ZNF638: variants seen among roughly 807,000 people sequenced by gnomAD.
The protein encoded by ZNF638 is CTCL tumor antigen se33-1.
Under a neutral mutation model 195.6 loss-of-function variants are expected in ZNF638, and 46 were observed. The observed-to-expected ratio is 0.24, with a 90% confidence interval of 0.19 to 0.30. The LOEUF is 0.30. Ranked by LOEUF, ZNF638 falls within the 10% of genes least tolerant of loss-of-function variation. The pLI is 1.00. For synonymous variants in ZNF638, 845 were observed against 772.0 expected (o/e 1.09, Z -1.57); for missense variants, 2,440 against 2,325.3 (o/e 1.05, Z -1.01).
intron 10 of ZNF638, 160 bp downstream of exon 10, chr2:71,380,725 A>G: frequency 2.0e-6 from 1 of 492,720 alleles, no homozygotes; most frequent in Non-Finnish European, 3.6e-6. Context: ...TTAATATTTA[A>G]TGCTGTGTAA....
chr2:71,367,769 G>A (rs1414284552), intron 6 of ZNF638, among the ~76,000 whole-genome samples: 7 of 145,824 alleles, frequency 4.8e-5, no homozygotes, highest in Non-Finnish European at 7.5e-5. Context: ...TAGAGTCTTA[G>A]TATGTTGCCC....
intron 15 of ZNF638, among the ~76,000 whole-genome samples, chr2:71,401,210 G>C (rs1310931029): frequency 1.3e-5 from 2 of 151,686 alleles, no homozygotes. Flanking sequence ...TTTCCCCCTA[G>C]ATATCAAAAA....
At chr2:71,373,724 G>C (rs1275148404) in intron 8 of ZNF638, among the ~76,000 whole-genome samples, 4 of 151,604 alleles carry the variant, frequency 2.6e-5, no homozygotes, top group Non-Finnish European at 5.9e-5. Context: ...GGCCAAGTTT[G>C]ATGTTTTTAT....
intron 6 of ZNF638, among the ~76,000 whole-genome samples, chr2:71,366,985 A>AGGTATG (rs1456913384): frequency 1.3e-5 from 2 of 152,184 alleles, no homozygotes; most frequent in African/African-American, 4.8e-5. Context: ...TCAAGTATTT[A>AGGTATG]GGTATGGAAT....
chr2:71,363,813 A>G (rs769332172), intron 4 of ZNF638, 141 bp from the exon 5 acceptor site: 2 of 992,374 alleles, frequency 2.0e-6, no homozygotes, highest in Non-Finnish European at 2.9e-6. Flanking sequence ...TAACAAACAG[A>G]TTTTTGTTTT....
intron 2 of ZNF638, among the ~76,000 whole-genome samples, chr2:71,353,957 A>G (rs2078983097): frequency 6.6e-6 from 1 of 152,224 alleles, no homozygotes; most frequent in Non-Finnish European, 1.5e-5. Context: ...AGGATGTACA[A>G]ACATTTCTTT....
intron 17 of ZNF638, among the ~76,000 whole-genome samples, chr2:71,404,250 TTC>T (rs1352951952): frequency 1.3e-5 from 2 of 152,246 alleles, no homozygotes; most frequent in African/African-American, 4.8e-5. Flanking sequence ...AAAGACAGGT[TTC>T]TCTCTTATCT....
chr2:71,418,224 T>G (rs1255874970), intron 20 of ZNF638: 1 of 160,524 alleles, frequency 6.2e-6, no homozygotes, highest in African/African-American at 2.4e-5. Flanking sequence ...ATAGGAAACT[T>G]TTTTAGTCAG....
chr2:71,418,019 G>A (rs774852194), intron 20 of ZNF638, among the ~76,000 whole-genome samples: 24 of 152,160 alleles, frequency 1.6e-4, no homozygotes, highest in Non-Finnish European at 5.9e-5. Flanking sequence ...TTTGTTCACT[G>A]ATGCATCCCA....
intron 2 of ZNF638, among the ~76,000 whole-genome samples, chr2:71,354,910 G>A (rs2078999156): frequency 6.6e-6 from 1 of 152,076 alleles, no homozygotes; most frequent in African/African-American, 2.4e-5. Context: ...CCAGTATAGT[G>A]AGTACCTTGT....
At chr2:71,365,753 G>C in intron 6 of ZNF638, 47 bp downstream of exon 6, 2 of 1,500,784 alleles carry the variant, frequency 1.3e-6, no homozygotes, top group Non-Finnish European at 1.8e-6. Context: ...GTTTCACTCT[G>C]TCATCCTCGC....
At chr2:71,351,926 C>T (rs1286710443) in intron 2 of ZNF638, among the ~76,000 whole-genome samples, 1 of 152,198 alleles carries the variant, frequency 6.6e-6, no homozygotes, top group Non-Finnish European at 1.5e-5. Context: ...AGGCCAGCAT[C>T]ATCAATTTAC....
In ZNF638 at chr2:71,427,060, TCTA is replaced by T; in HGVS notation, c.5194_5196del (p.Thr1732del). 1 of 1,614,100 alleles carries T rather than the reference TCTA, an allele frequency of 6.2e-7. No homozygotes were observed. The highest frequency in any genetic ancestry group is 8.5e-7 in the Non-Finnish European group (1 of 1,179,980). On this transcript the variant is annotated inframe_deletion, in exon 24 of 28. Coordinates refer to ENST00000264447, the MANE Select transcript of ZNF638 (RefSeq NM_014497.5). ...TTCTTCTCAGGTGCCCGAAGACCCT[TCTA>T]CTTTAGTTACTGTAGATGAAATACA...
chr2:71,408,157 G>A lies in ZNF638; in HGVS notation c.3171G>A (p.Gln1057=). ...AGTTAGATAGTCCTGAATCTGCTCAGTCAATGTATAGCTTTCTGAAACAAA... is the reference window on the plus strand; with the variant it reads ...AGTTAGATAGTCCTGAATCTGCTCAATCAATGTATAGCTTTCTGAAACAAA... ...ILQLDSPESA[Q]SMYSFLKQNP... is the part of the protein sequence containing the mutation. The change falls in exon 20 of 28, where the codon CAG becomes CAA. Residue 1057 remains glutamine, a synonymous_variant. Transcript: ENST00000264447. 6.2e-7 allele frequency: 1 copy of A among 1,613,162 alleles called. No homozygotes were observed. Among genetic ancestry groups the A allele is most frequent in the Non-Finnish European group, 8.5e-7 (1 of 1,179,516 alleles).
At chr2:71,360,223 A>G (rs1208502103) in intron 3 of ZNF638, among the ~76,000 whole-genome samples, 1 of 152,320 alleles carries the variant, frequency 6.6e-6, no homozygotes, top group East Asian at 1.9e-4. Flanking sequence ...ATCTATATTC[A>G]CCATTTGTTA....
Position 71,392,889 on chromosome 2 carries a change from A to G in ZNF638, c.2378-3252A>G, listed in dbSNP as rs190418801. Among the ~76,000 whole-genome samples, 15 of 152,350 alleles carry G rather than the reference A, an allele frequency of 9.8e-5. No individual in the cohort carries two copies. In the East Asian group the frequency reaches 2.9e-3, roughly 29 times the overall value. ...CTAAATTTGGAATACTAAGATATGT[A>G]CATGTATCCATTGATACCAGTTCCT... On this transcript the variant is annotated intron_variant, in intron 10 of 27. Coordinates refer to ENST00000264447, the MANE Select transcript of ZNF638 (RefSeq NM_014497.5).
At chr2:71,367,754 A>T (rs1221891382) in intron 6 of ZNF638, among the ~76,000 whole-genome samples, 2 of 147,266 alleles carry the variant, frequency 1.4e-5, no homozygotes, top group African/African-American at 5.0e-5. Context: ...TTTTTTTTAA[A>T]AATATAGAGT....
At chr2:71,404,534 A>G (rs2080067648) in intron 17 of ZNF638, among the ~76,000 whole-genome samples, 1 of 152,048 alleles carries the variant, frequency 6.6e-6, no homozygotes, top group Admixed American at 6.5e-5. Context: ...CTGGGCAACA[A>G]AGTGAGACCC....
At chr2:71,389,595 C>T (rs1192370923) in intron 10 of ZNF638, among the ~76,000 whole-genome samples, 1 of 152,194 alleles carries the variant, frequency 6.6e-6, no homozygotes. Flanking sequence ...GGAGGGGTTC[C>T]TATGCCAGTG....
Sources: allele counts gnomAD v4.1 joint callset (sites outside exome capture counted in the v4.1 genomes callset), GRCh38; gene constraint gnomAD v4.1.1; transcripts MANE v1.5; gene names NCBI Gene and HGNC (gene_info 2026-07-23, HGNC 2026-07-21).